Variants in FANCL observed in about 807,000 individuals in gnomAD.
FANCL encodes the protein E3 ubiquitin-protein ligase FANCL.
FANCL carries 69 observed loss-of-function variants against 59.4 expected under a neutral mutation model. The ratio of observed to expected loss-of-function variants is 1.16; its 90% CI spans 0.96 to 1.42. The LOEUF (loss-of-function observed/expected upper bound fraction) is 1.42, where lower values mean the gene tolerates loss of function less well. Among genes scored for constraint, FANCL ranks in the 40% most tolerant of loss-of-function variants. FANCL has a pLI of 0.00. For missense variants in FANCL, 519 were observed against 447.2 expected (o/e 1.16, Z -1.45); for synonymous variants, 180 against 147.1 (o/e 1.22, Z -1.62).
rs1558741356 is a variant in FANCL, at chr2:58,165,841, C to A, written c.574G>T (p.Ala192Ser). The A allele has an allele frequency of 6.2e-7, 1 of 1,613,878 alleles. No individual in the cohort carries two copies. The highest frequency in any genetic ancestry group is 1.7e-5 in the Admixed American group (1 of 59,994). Residue 192 changes from alanine (A) to serine (S), a missense_variant, in exon 8 of 14, where the codon GCA becomes TCA. Coordinates refer to ENST00000233741, the MANE Select transcript of FANCL (RefSeq NM_018062.4). ...AATGCCTTTAGTGATTCTATTGCTG[C>A]CAAAAACTGACTATAAATGCTTATT... The part of the protein sequence containing the change: ...SLISIYSQFL[A>S]AIESLKAFWD...
chr2:58,217,215 TACACACACACACACACACACACACACAC>T (rs368257506), intron 5 of FANCL, among the ~76,000 whole-genome samples: 2 of 20,862 alleles, frequency 9.6e-5, no homozygotes, highest in Non-Finnish European at 1.7e-4. Flanking sequence ...TATATATATA[TACACACACACACACACACACACACACAC>T]ATATATATGT....
intron 7 of FANCL, among the ~76,000 whole-genome samples, chr2:58,167,995 C>A (rs1441901085): frequency 6.6e-6 from 1 of 152,026 alleles, no homozygotes; most frequent in East Asian, 1.9e-4. Context: ...TAAATTATTT[C>A]TAAATATTAC....
At chr2:58,228,238 AAG>A (rs772894803) in intron 3 of FANCL, among the ~76,000 whole-genome samples, 1 of 152,358 alleles carries the variant, frequency 6.6e-6, no homozygotes, top group East Asian at 1.9e-4. Flanking sequence ...ATAAATATTT[AAG>A]AGTTACTATT....
chr2:58,236,177 C>G (rs1694004368), intron 1 of FANCL, among the ~76,000 whole-genome samples: 1 of 151,544 alleles, frequency 6.6e-6, no homozygotes, highest in South Asian at 2.1e-4. Flanking sequence ...AAAAGCTACA[C>G]CAAGGTACAA....
intron 5 of FANCL, among the ~76,000 whole-genome samples, chr2:58,221,040 C>T (rs897875725): frequency 2.0e-5 from 3 of 151,096 alleles, no homozygotes; most frequent in Non-Finnish European, 3.0e-5. Flanking sequence ...GGTGAAACCC[C>T]GTCTCTACTA....
At chr2:58,165,480 A>T (rs1015558173) in intron 8 of FANCL, among the ~76,000 whole-genome samples, 12 of 152,188 alleles carry the variant, frequency 7.9e-5, no homozygotes, top group Non-Finnish European at 1.8e-4. Flanking sequence ...GCAGCTAATT[A>T]AACTCTACTT....
intron 1 of FANCL, among the ~76,000 whole-genome samples, chr2:58,239,137 C>G (rs1402105170): frequency 6.6e-6 from 1 of 152,142 alleles, no homozygotes; most frequent in Non-Finnish European, 1.5e-5. Context: ...ATAGTCGACT[C>G]AAGCAAAAGT....
At chr2:58,236,487 C>G (rs1558830897) in intron 1 of FANCL, among the ~76,000 whole-genome samples, 2 of 149,592 alleles carry the variant, frequency 1.3e-5, no homozygotes, top group Non-Finnish European at 3.0e-5. Context: ...CACACACACA[C>G]AGCCAATAAA....
intron 5 of FANCL, among the ~76,000 whole-genome samples, chr2:58,205,513 T>C (rs1690496064): frequency 6.6e-6 from 1 of 152,084 alleles, no homozygotes; most frequent in African/African-American, 2.4e-5. Flanking sequence ...TATCAATACC[T>C]GACTCTTAAA....
intron 5 of FANCL, among the ~76,000 whole-genome samples, chr2:58,212,355 C>T (rs749372143): frequency 3.1e-4 from 47 of 152,268 alleles, no homozygotes; most frequent in Admixed American, 1.2e-3. Context: ...TATCTTCCAC[C>T]GGGTCCCTCC....
intron 12 of FANCL, among the ~76,000 whole-genome samples, chr2:58,161,191 C>T (rs939543846): frequency 7.9e-5 from 12 of 151,906 alleles, no homozygotes; most frequent in Non-Finnish European, 2.9e-5. Flanking sequence ...CTCGGGTAAA[C>T]CTATGAAGCT....
intron 5 of FANCL, among the ~76,000 whole-genome samples, chr2:58,218,505 C>T (rs1339117280): frequency 6.6e-6 from 1 of 151,066 alleles, no homozygotes; most frequent in Admixed American, 6.6e-5. Context: ...TAGGATGAAA[C>T]AGAGAATGTG....
At chr2:58,229,266 G>C (rs548729394) in intron 3 of FANCL, among the ~76,000 whole-genome samples, 14 of 152,152 alleles carry the variant, frequency 9.2e-5, no homozygotes, top group African/African-American at 3.1e-4. Context: ...TCATTATTTT[G>C]CTTCAGTAAC....
chr2:58,162,517 C>T (rs1685346143), intron 11 of FANCL, among the ~76,000 whole-genome samples: 1 of 151,716 alleles, frequency 6.6e-6, no homozygotes, highest in Non-Finnish European at 1.5e-5. Context: ...TAACCAAATG[C>T]AGATCAAAAA....
At position 58,160,050 on chromosome 2, in the gene FANCL, A is replaced by G. The variant is rs72948815; in HGVS notation, c.1092+58T>C. ...GATATACTATATAGATCTATCTTCT[A>G]GAACATATTACTGAAAGCTAGGCAC... On this transcript the variant is annotated intron_variant, in intron 13 of 13. Transcript: ENST00000233741. 5,946 of 1,606,678 alleles carry G rather than the reference A, an allele frequency of 3.7e-3. 218 individuals are homozygous for G. In the African/African-American group the frequency reaches 0.07, roughly 19 times the overall value.
chr2:58,215,405 C>G (rs1027050965), intron 5 of FANCL, among the ~76,000 whole-genome samples: 1 of 152,182 alleles, frequency 6.6e-6, no homozygotes, highest in African/African-American at 2.4e-5. Flanking sequence ...AGTACACTTA[C>G]AATTATATGT....
rs1265363822 is a variant in FANCL, at chr2:58,159,569, C to G, written c.*196G>C. On this transcript the variant is annotated 3_prime_UTR_variant, in exon 14 of 14. Coordinates refer to ENST00000233741, the MANE Select transcript of FANCL (RefSeq NM_018062.4). ...GGGATCACAGACTTAGAAAGTTCAA[C>G]TGGACTTTGGCCTACAATTTCCCAG... 3 of 1,613,810 alleles carry G rather than the reference C, an allele frequency of 1.9e-6. No individual in the cohort carries two copies. The South Asian group carries it at 3.3e-5, about 18-fold the overall frequency.
chr2:58,208,490 G>T (rs1231076617), intron 5 of FANCL, among the ~76,000 whole-genome samples: 1 of 152,124 alleles, frequency 6.6e-6, no homozygotes, highest in Admixed American at 6.5e-5. Flanking sequence ...ATGTCAACAA[G>T]TAAAACAAAG....
chr2:58,166,057 C>CT (rs1183369772), intron 7 of FANCL, among the ~76,000 whole-genome samples, 183 bp from the exon 8 acceptor site: 1 of 152,054 alleles, frequency 6.6e-6, no homozygotes, highest in Non-Finnish European at 1.5e-5. Context: ...TTACAGGATT[C>CT]TTTTTTATTG....
Sources: gnomAD v4.1 joint callset for allele counts (sites outside exome capture counted in the v4.1 genomes callset) on GRCh38, gnomAD v4.1.1 for gene constraint, MANE v1.5 for transcripts, NCBI Gene and HGNC (gene_info 2026-07-23, HGNC 2026-07-21) for gene names.